Variants in GNAT2 observed in about 807,000 individuals in gnomAD.
The protein encoded by GNAT2 is guanine nucleotide-binding protein G(t) subunit alpha-2.
A neutral mutation model predicts 40.9 loss-of-function variants in GNAT2; 32 were observed. The observed-to-expected ratio is 0.78, with a 90% CI of 0.59 to 1.05. GNAT2 has a LOEUF of 1.05. Among genes scored for constraint, GNAT2 ranks in the 50% least tolerant of loss-of-function variants. The pLI is 0.00. For synonymous variants in GNAT2, 141 were observed against 157.2 expected (o/e 0.90, Z 0.77); for missense variants, 355 against 431.5 (o/e 0.82, Z 1.57).
chr1:109,606,844 G>C lies in GNAT2; in HGVS notation c.462-408C>G, dbSNP rs908261767. On this transcript the variant is annotated intron_variant, in intron 5 of 8. Transcript: ENST00000679935. ...TGTTTATATCCTGAATCAAACTGGG[G>C]AGGAAACATTTGAGATAACTGGGGA... 3 of 216,068 alleles carry C rather than the reference G, an allele frequency of 1.4e-5. No homozygotes were observed. The South Asian group carries it at 2.1e-4, about 15-fold the overall frequency. The allele number at this position is 216,068 out of a possible 1,614,324, so 13.4% of individuals were successfully genotyped here.
chr1:109,612,511 T>TGCACCTTGCA (rs2101130369), intron 2 of GNAT2: 1 of 516,120 alleles, frequency 1.9e-6, no homozygotes, highest in African/African-American at 1.9e-5. Context: ...CTTGCACTAT[T>TGCACCTTGCA]CCTCGCTCAA....
rs757088776 is a variant in GNAT2, at chr1:109,603,426, A to G, written c.993T>C (p.Asn331=). The change falls in exon 9 of 9, where the codon AAT becomes AAC. Residue 331 remains asparagine (N), a synonymous_variant. Transcript: ENST00000679935. ...TAACTGCATCAAACACAAATTTGAC[A>G]TTCTGTGTATCTGTAGCACAGGTCA... ...SHMTCATDTQ[N]VKFVFDAVTD... is the part of the protein sequence containing the mutation. 3 of 1,604,486 alleles carry G rather than the reference A, an allele frequency of 1.9e-6. No individual in the cohort carries two copies. In the South Asian group the frequency reaches 3.3e-5, roughly 18 times the overall value.
At chr1:109,603,645 C>G in intron 8 of GNAT2, 101 bp from the exon 9 acceptor site, 1 of 831,300 alleles carries the variant, frequency 1.2e-6, no homozygotes, top group South Asian at 1.4e-5. Flanking sequence ...TGTTATTAGA[C>G]AACAGCAGTT....
chr1:109,604,637 T>C (rs1189508183), intron 7 of GNAT2: 1 of 166,454 alleles, frequency 6.0e-6, no homozygotes, highest in African/African-American at 2.4e-5. Context: ...AATTTCCCAG[T>C]GCCATACCAC....
intron 1 of GNAT2, chr1:109,617,106 A>C (rs1649970746): frequency 6.6e-6 from 1 of 152,664 alleles, no homozygotes. Context: ...GAAGCTGAGA[A>C]ACCAGAGCTG....
At chr1:109,616,702 T>G (rs1649960006) in intron 1 of GNAT2, 1 of 152,190 alleles carries the variant, frequency 6.6e-6, no homozygotes, top group African/African-American at 2.4e-5. Context: ...CTGACAAAGT[T>G]CTACAGCGGA....
rs757130132 is a variant in GNAT2 at position 109,610,062 on chromosome 1, T to G, written c.281A>C (p.Asp94Ala). ...TACCGCACAGCTTGGTTCAGCATAATCGATGCCCAGTGTGGTCATGGCCCG... is the reference window on the plus strand; with the variant it reads ...TACCGCACAGCTTGGTTCAGCATAAGCGATGCCCAGTGTGGTCATGGCCCG... ...IIRAMTTLGI[D>A]YAEPSCADDG... The change falls in exon 4 of 9, where the codon GAT (aspartate) becomes GCT (alanine). Residue 94 changes from aspartate to alanine, a missense_variant. Asp to Ala is a moderately radical substitution (Grantham distance 126). Transcript: ENST00000679935. 2.4e-5 allele frequency: 39 copies of G among 1,614,002 alleles called. No homozygotes were observed. The highest frequency in any genetic ancestry group is 2.8e-5 in the Non-Finnish European group (33 of 1,179,968).
At chr1:109,609,880 G>T in intron 4 of GNAT2, 160 bp downstream of exon 4, 1 of 755,738 alleles carries the variant, frequency 1.3e-6, no homozygotes, top group Middle Eastern at 3.6e-4. Flanking sequence ...CCTTGAGATG[G>T]TATACACAGT....
At chr1:109,618,272 C>T (rs1009126076) in intron 1 of GNAT2, 1 of 152,142 alleles carries the variant, frequency 6.6e-6, no homozygotes, top group Non-Finnish European at 1.5e-5. Context: ...ATTCTTTTAC[C>T]TAACTTTATA....
intron 1 of GNAT2, chr1:109,615,001 A>G (rs1282062432): frequency 6.6e-6 from 1 of 152,218 alleles, no homozygotes; most frequent in Non-Finnish European, 1.5e-5. Flanking sequence ...GCGTACTCAC[A>G]ATACTGGTAA....
rs776322769 is a variant in GNAT2, at chr1:109,608,638, C to T, written c.454G>A (p.Ala152Thr). The T allele has an allele frequency of 1.9e-5, 31 of 1,613,482 alleles. No homozygotes were observed. The highest frequency in any genetic ancestry group is 9.9e-5 in the South Asian group (9 of 91,074). Reference protein sequence around the residue: ...RAAEYQLNDSASYYLNQLERI... With the variant: ...RAAEYQLNDSTSYYLNQLERI... ...CTCACCAGTCAGTCTTACTAAGATG[C>T]GGAGTCATTAAGCTGGTATTCTGCA... is the stretch of plus-strand genomic sequence containing the variant. The change falls in exon 5 of 9, where the codon GCA becomes ACA. Residue 152 changes from alanine (A) to threonine (T), a missense_variant. Coordinates refer to ENST00000679935, the MANE Select transcript of GNAT2 (RefSeq NM_001377295.2).
rs1022421580 is a variant in GNAT2, at chr1:109,604,885, A to C, written c.721-781T>G. The stretch of plus-strand genomic sequence containing the variant: ...CCTGTACAACCCTTTAAGGTCTCAT[A>C]GACTTGTTTTATTAATGTCTCATAG... On this transcript the variant is annotated intron_variant, in intron 7 of 8. Coordinates refer to ENST00000679935, the MANE Select transcript of GNAT2 (RefSeq NM_001377295.2). The C allele has an allele frequency of 5.2e-5, 8 of 152,590 alleles. 1 individual carries two copies. Among genetic ancestry groups the C allele is most frequent in the Admixed American group, 3.3e-4 (5 of 15,322 alleles). The allele number at this position is 152,590 out of a possible 1,614,324, so 9.5% of individuals were successfully genotyped here.
chr1:109,605,067 AAAGGG>A (rs1649551645), intron 7 of GNAT2: 1 of 152,258 alleles, frequency 6.6e-6, no homozygotes, highest in Non-Finnish European at 1.5e-5. Flanking sequence ...TAAAACTACC[AAAGGG>A]AAGGGAAGAG....
At chr1:109,610,808 GA>G in intron 2 of GNAT2, 1 of 481,544 alleles carries the variant, frequency 2.1e-6, no homozygotes, top group Non-Finnish European at 3.8e-6. Context: ...CCCTAGTTAT[GA>G]CAACCAAAAG....
intron 5 of GNAT2, 43 bp downstream of exon 5, chr1:109,608,588 G>A (rs749094238): frequency 6.3e-7 from 1 of 1,587,294 alleles, no homozygotes; most frequent in Non-Finnish European, 8.7e-7. Flanking sequence ...CTGGCTAGAA[G>A]ATTGCTTAAG....
intron 8 of GNAT2, 32 bp downstream of exon 8, chr1:109,603,919 C>G (rs1557917785): frequency 2.0e-6 from 3 of 1,481,074 alleles, no homozygotes; most frequent in Non-Finnish European, 2.8e-6. Context: ...TACTAAAAGG[C>G]ATTATTATTA....
At chr1:109,603,766 C>T in intron 8 of GNAT2, 185 bp downstream of exon 8, 1 of 665,618 alleles carries the variant, frequency 1.5e-6, no homozygotes, top group African/African-American at 1.8e-5. Flanking sequence ...CAGTAGGTAT[C>T]ATATGAAGTC....
intron 1 of GNAT2, chr1:109,616,866 T>A (rs1649965085): frequency 6.6e-6 from 1 of 152,114 alleles, no homozygotes; most frequent in Non-Finnish European, 1.5e-5. Flanking sequence ...GACTGGGACT[T>A]TGATGTGACT....
intron 4 of GNAT2, 49 bp from the exon 5 acceptor site, chr1:109,608,837 C>G: frequency 6.8e-7 from 1 of 1,479,158 alleles, no homozygotes; most frequent in Non-Finnish European, 9.5e-7. Flanking sequence ...AATAGCTTTC[C>G]AGGAGGCTTC....
Sources: allele counts gnomAD v4.1 joint callset, GRCh38; gene constraint gnomAD v4.1.1; transcripts MANE v1.5; gene names NCBI Gene and HGNC (gene_info 2026-07-23, HGNC 2026-07-21).